The following HOMER1 variants were observed in gnomAD, a reference collection of about 807,000 sequenced individuals.
HOMER1 encodes the protein homer protein homolog 1.
A neutral mutation model predicts 48.9 loss-of-function variants in HOMER1; 3 were observed. The observed-to-expected ratio is 0.06, with a 90% confidence interval of 0.03 to 0.16. The LOEUF is 0.16. Ranked by LOEUF, HOMER1 falls within the 10% of genes least tolerant of loss-of-function variation. The probability of loss-of-function intolerance (pLI) is 1.00; values close to 1 mark genes in which losing one functional copy is unlikely to be tolerated. For missense variants in HOMER1, 247 were observed against 411.4 expected, an observed-to-expected ratio of 0.60 and a Z score of 3.46; for synonymous variants, 134 against 146.4, an observed-to-expected ratio of 0.92 and a Z score of 0.61.
chr5:79,507,711 GAA>G (rs139514104), intron 1 of HOMER1, among the ~76,000 whole-genome samples: 110 of 145,912 alleles, frequency 7.5e-4, no homozygotes, highest in African/African-American at 2.2e-3. Context: ...ACTAAAGACT[GAA>G]AAAAAAAAAA....
At chr5:79,409,606 A>G (rs745693099) in intron 5 of HOMER1, among the ~76,000 whole-genome samples, 1 of 152,186 alleles carries the variant, frequency 6.6e-6, no homozygotes, top group Non-Finnish European at 1.5e-5. Context: ...CAATCCATGG[A>G]AAGAGAGAAA....
intron 8 of HOMER1, among the ~76,000 whole-genome samples, chr5:79,386,965 T>G (rs1471287692): frequency 8.1e-6 from 1 of 123,618 alleles, no homozygotes; most frequent in Non-Finnish European, 1.7e-5. Context: ...CTTCCTTCCC[T>G]TCCCTTCTTC....
At chr5:79,489,122 G>A (rs923947534) in intron 1 of HOMER1, among the ~76,000 whole-genome samples, 2 of 152,122 alleles carry the variant, frequency 1.3e-5, no homozygotes, top group African/African-American at 2.4e-5. Flanking sequence ...AAAAAATCTT[G>A]TTAATAGAAG....
intron 1 of HOMER1, among the ~76,000 whole-genome samples, chr5:79,461,117 T>A (rs1425820791): frequency 6.6e-6 from 1 of 152,180 alleles, no homozygotes; most frequent in African/African-American, 2.4e-5. Context: ...GATTTTATGA[T>A]GGGTATGTTT....
chr5:79,380,304 C>T (rs150013335), intron 8 of HOMER1, among the ~76,000 whole-genome samples: 30 of 152,278 alleles, frequency 2.0e-4, no homozygotes, highest in Non-Finnish European at 3.7e-4. Flanking sequence ...CCACACAACC[C>T]GAGACCTAAG....
intron 1 of HOMER1, among the ~76,000 whole-genome samples, chr5:79,469,371 TC>T (rs1317731413): frequency 2.0e-5 from 3 of 152,182 alleles, no homozygotes; most frequent in Admixed American, 2.0e-4. Context: ...AGCAGTAAAT[TC>T]CCACTCTCTT....
chr5:79,402,333 T>G (rs185067764), intron 5 of HOMER1, among the ~76,000 whole-genome samples: 39 of 152,050 alleles, frequency 2.6e-4, no homozygotes, highest in Admixed American at 2.1e-3. Context: ...GCCCAGTTAA[T>G]TTTTTTGTAT....
At chr5:79,421,132 A>C (rs1346328035) in intron 5 of HOMER1, among the ~76,000 whole-genome samples, 1 of 152,226 alleles carries the variant, frequency 6.6e-6, no homozygotes, top group African/African-American at 2.4e-5. Flanking sequence ...TTTCAAATAA[A>C]ATTTAGAAAC....
At chr5:79,381,074 T>C (rs746179619) in intron 8 of HOMER1, among the ~76,000 whole-genome samples, 2 of 152,060 alleles carry the variant, frequency 1.3e-5, no homozygotes, top group Non-Finnish European at 2.9e-5. Flanking sequence ...CTAACACTGG[T>C]GCAAGCAAAC....
At chr5:79,451,556 CTTTTTTTTT>C (rs71615542) in intron 2 of HOMER1, among the ~76,000 whole-genome samples, 43 of 64,642 alleles carry the variant, frequency 6.7e-4, no homozygotes, top group African/African-American at 3.6e-3. Flanking sequence ...AAATATGACA[CTTTTTTTTT>C]TTTTTTTTTT....
chr5:79,422,808 G>C (rs1184595384), intron 5 of HOMER1, among the ~76,000 whole-genome samples: 1 of 150,200 alleles, frequency 6.7e-6, no homozygotes, highest in Non-Finnish European at 1.5e-5. Flanking sequence ...TGAATAAATG[G>C]ACTCTTAAAA....
chr5:79,445,282 T>C (rs545194738), intron 4 of HOMER1, among the ~76,000 whole-genome samples: 10 of 152,258 alleles, frequency 6.6e-5, no homozygotes, highest in African/African-American at 1.9e-4. Context: ...CTGAGTACAG[T>C]TCAGAAACAA....
intron 5 of HOMER1, among the ~76,000 whole-genome samples, chr5:79,410,698 G>GAA (rs372881437): frequency 4.9e-5 from 7 of 143,882 alleles, no homozygotes; most frequent in Non-Finnish European, 4.6e-5. Flanking sequence ...CATTAATTTT[G>GAA]AAAAAAAAAA....
In HOMER1 at chr5:79,439,161, G is replaced by T; in HGVS notation, c.388-12C>A. On this transcript the variant is annotated splice_polypyrimidine_tract_variant and intron_variant, in intron 4 of 8. Coordinates refer to ENST00000334082, the MANE Select transcript of HOMER1 (RefSeq NM_004272.5). The stretch of plus-strand genomic sequence containing the variant: ...CCGCCTGCGGATTCCTTTAAAAAAA[G>T]GGGTGGGGGATAAAAAATAGTTACA... 8.7e-6 allele frequency: 14 copies of T among 1,612,976 alleles called. No homozygotes were observed. The highest frequency in any genetic ancestry group is 1.1e-5 in the Non-Finnish European group (13 of 1,179,588).
intron 1 of HOMER1, among the ~76,000 whole-genome samples, chr5:79,489,835 C>T (rs1041935012): frequency 6.6e-6 from 1 of 152,248 alleles, no homozygotes; most frequent in South Asian, 2.1e-4. Flanking sequence ...TGCATAGATG[C>T]TACATTTTTT....
intron 1 of HOMER1, among the ~76,000 whole-genome samples, chr5:79,473,662 T>C (rs1328183408): frequency 6.6e-6 from 1 of 152,188 alleles, no homozygotes; most frequent in Non-Finnish European, 1.5e-5. Flanking sequence ...AGAATCTCAA[T>C]CAAGGGCTCT....
chr5:79,403,848 T>C lies in HOMER1; in HGVS notation c.528-1793A>G, dbSNP rs947295053. On this transcript the variant is annotated intron_variant, in intron 5 of 8. Coordinates refer to ENST00000334082, the MANE Select transcript of HOMER1 (RefSeq NM_004272.5). Reference sequence around the variant, plus strand: ...TAAAATGAAAAGTTAAAAATATTCCTAAAGTTTACTAAGTGAGAAAATATC... The same window carrying C: ...TAAAATGAAAAGTTAAAAATATTCCCAAAGTTTACTAAGTGAGAAAATATC... Among the ~76,000 whole-genome samples, 7 of 152,178 alleles carry C rather than the reference T, an allele frequency of 4.6e-5. No homozygotes were observed. The East Asian group carries it at 1.3e-3, about 29-fold the overall frequency.
chr5:79,438,512 T>C (rs541536015), intron 5 of HOMER1, among the ~76,000 whole-genome samples: 3 of 152,186 alleles, frequency 2.0e-5, no homozygotes, highest in South Asian at 2.1e-4. Context: ...AACAAACCCA[T>C]GCTAAAAGTT....
At chr5:79,488,309 G>A (rs1439752594) in intron 1 of HOMER1, among the ~76,000 whole-genome samples, 1 of 152,220 alleles carries the variant, frequency 6.6e-6, no homozygotes, top group African/African-American at 2.4e-5. Flanking sequence ...CTAAGTGGTA[G>A]GTCACGATTG....
Sources: allele counts gnomAD v4.1 joint callset (sites outside exome capture counted in the v4.1 genomes callset), GRCh38; gene constraint gnomAD v4.1.1; transcripts MANE v1.5; gene names NCBI Gene and HGNC (gene_info 2026-07-23, HGNC 2026-07-21).